The following N4BP1 variants were observed in gnomAD, a reference collection of about 807,000 sequenced individuals.
The protein encoded by N4BP1 is NEDD4-binding protein 1.
In N4BP1, 21 loss-of-function variants were observed where a neutral mutation model predicts 70.9. The observed-to-expected ratio is 0.30, with a 90% CI of 0.21 to 0.43. N4BP1 has a LOEUF of 0.43. Ranked by LOEUF, N4BP1 falls within the 20% of genes least tolerant of loss-of-function variation. The pLI, the probability that N4BP1 is intolerant of heterozygous loss-of-function variation, is 1.00. For synonymous variants in N4BP1, 387 were observed against 394.6 expected (o/e 0.98, Z 0.23); for missense variants, 936 against 1,069.4 (o/e 0.88, Z 1.74).
intron 1 of N4BP1, among the ~76,000 whole-genome samples, chr16:48,580,861 A>G (rs1388081968): frequency 6.6e-6 from 1 of 152,156 alleles, no homozygotes; most frequent in Non-Finnish European, 1.5e-5. Context: ...TGTATAAGGC[A>G]TTATAAGTAG....
intron 2 of N4BP1, among the ~76,000 whole-genome samples, chr16:48,555,395 T>C (rs746557402): frequency 2.0e-5 from 3 of 152,220 alleles, no homozygotes; most frequent in Admixed American, 2.0e-4. Context: ...TGTGCGTTCC[T>C]TGAGAGCAGG....
intron 1 of N4BP1, among the ~76,000 whole-genome samples, chr16:48,575,188 GC>G (rs1196256773): frequency 6.6e-6 from 1 of 152,152 alleles, no homozygotes; most frequent in Non-Finnish European, 1.5e-5. Context: ...AAAGTATACA[GC>G]ATTATTAAGT....
At chr16:48,577,315 G>GTTT (rs144319249) in intron 1 of N4BP1, among the ~76,000 whole-genome samples, 1 of 151,158 alleles carries the variant, frequency 6.6e-6, no homozygotes, top group African/African-American at 2.4e-5. Context: ...CCCAGTTTTT[G>GTTT]TTTTTTTTGT....
At chr16:48,605,110 G>A (rs894823639) in intron 1 of N4BP1, among the ~76,000 whole-genome samples, 4 of 151,380 alleles carry the variant, frequency 2.6e-5, no homozygotes, top group African/African-American at 7.3e-5. Flanking sequence ...TTGGTTCACC[G>A]CAACCTCCGC....
chr16:48,544,790 A>G (rs1335141529), intron 6 of N4BP1, among the ~76,000 whole-genome samples: 1 of 152,220 alleles, frequency 6.6e-6, no homozygotes, highest in African/African-American at 2.4e-5. Flanking sequence ...GGAAATTAAT[A>G]TAAGCATAAC....
chr16:48,606,041 G>GT (rs1964576194), intron 1 of N4BP1, among the ~76,000 whole-genome samples: 2 of 152,198 alleles, frequency 1.3e-5, no homozygotes, highest in South Asian at 4.1e-4. Flanking sequence ...ACACTTTACT[G>GT]TATCTTCCCC....
chr16:48,550,477 T>C (rs777125465), intron 4 of N4BP1, among the ~76,000 whole-genome samples: 6 of 151,994 alleles, frequency 3.9e-5, no homozygotes, highest in Non-Finnish European at 8.8e-5. Context: ...ATTGTACCAT[T>C]GCACTCCAGC....
At chr16:48,603,330 G>A (rs1035652937) in intron 1 of N4BP1, among the ~76,000 whole-genome samples, 4 of 151,586 alleles carry the variant, frequency 2.6e-5, no homozygotes, top group Admixed American at 2.0e-4. Flanking sequence ...AAGTCCTCCA[G>A]GCTGGTACTG....
intron 1 of N4BP1, among the ~76,000 whole-genome samples, chr16:48,594,818 T>C (rs1964387290): frequency 6.6e-6 from 1 of 152,226 alleles, no homozygotes; most frequent in Non-Finnish European, 1.5e-5. Flanking sequence ...ATAATAATTG[T>C]TATGTTAAAT....
intron 1 of N4BP1, among the ~76,000 whole-genome samples, chr16:48,571,913 C>T (rs147470704): frequency 6.6e-6 from 1 of 152,180 alleles, no homozygotes; most frequent in Non-Finnish European, 1.5e-5. Flanking sequence ...CCAGAATACA[C>T]AGGAAGCCTG....
At chr16:48,575,397 T>C (rs1217749982) in intron 1 of N4BP1, among the ~76,000 whole-genome samples, 1 of 152,244 alleles carries the variant, frequency 6.6e-6, no homozygotes, top group Non-Finnish European at 1.5e-5. Flanking sequence ...ATATACATGA[T>C]ATATAAGTTA....
chr16:48,548,837 CAA>C (rs34869645), intron 4 of N4BP1, among the ~76,000 whole-genome samples: 48 of 71,680 alleles, frequency 6.7e-4, no homozygotes, highest in Admixed American at 8.3e-4. Flanking sequence ...GAGACTGCTT[CAA>C]AAAAAAAAAA....
intron 4 of N4BP1, among the ~76,000 whole-genome samples, chr16:48,548,658 G>T (rs903528681): frequency 1.3e-5 from 2 of 151,804 alleles, no homozygotes; most frequent in Non-Finnish European, 2.9e-5. Context: ...ACCAGTCTGG[G>T]CAACATGGTG....
intron 1 of N4BP1, among the ~76,000 whole-genome samples, chr16:48,562,658 A>C (rs1366539556): frequency 1.3e-5 from 2 of 152,246 alleles, no homozygotes; most frequent in African/African-American, 4.8e-5. Flanking sequence ...CTCTGCATCC[A>C]AATCTAAAAG....
At chr16:48,597,138 T>C (rs1290797217) in intron 1 of N4BP1, among the ~76,000 whole-genome samples, 1 of 152,158 alleles carries the variant, frequency 6.6e-6, no homozygotes, top group African/African-American at 2.4e-5. Context: ...ATGGGGAAAT[T>C]GATTTGAGTA....
intron 5 of N4BP1, 73 bp downstream of exon 5, chr16:48,547,934 G>T: frequency 2.0e-6 from 2 of 1,025,160 alleles, no homozygotes; most frequent in Non-Finnish European, 3.0e-6. Flanking sequence ...AAAACAAAAC[G>T]AACAAAATGC....
intron 2 of N4BP1, among the ~76,000 whole-genome samples, chr16:48,556,382 T>G (rs544666246): frequency 1.3e-5 from 2 of 152,232 alleles, no homozygotes; most frequent in Non-Finnish European, 2.9e-5. Flanking sequence ...TACTCATCAC[T>G]GTCTCCTAGC....
At chr16:48,595,288 C>G (rs1356869380) in intron 1 of N4BP1, among the ~76,000 whole-genome samples, 1 of 151,576 alleles carries the variant, frequency 6.6e-6, no homozygotes, top group African/African-American at 2.4e-5. Context: ...ATGGCAAAAA[C>G]CCCATCTCTA....
rs371187248 is a variant in N4BP1 at position 48,564,969 on chromosome 16, TGTTA to T, written c.199-2529_199-2526del. Reference sequence around the variant, plus strand: ...TAAATTTTGGTTTCTATGTGTCCACTGTTAGTATATACAAATATAATTGATTTCT... The same window carrying T: ...TAAATTTTGGTTTCTATGTGTCCACTGTATATACAAATATAATTGATTTCT... On this transcript the variant is annotated intron_variant, in intron 1 of 6. Coordinates refer to ENST00000262384, the MANE Select transcript of N4BP1 (RefSeq NM_153029.4). Among the ~76,000 whole-genome samples the T allele has an allele frequency of 2.5e-3, 375 of 152,346 alleles. 1 individual carries two copies. Among genetic ancestry groups the T allele is most frequent in the East Asian group, 0.013 (68 of 5,186 alleles).
Sources: gnomAD v4.1 joint callset for allele counts (sites outside exome capture counted in the v4.1 genomes callset) on GRCh38, gnomAD v4.1.1 for gene constraint, MANE v1.5 for transcripts, NCBI Gene and HGNC (gene_info 2026-07-23, HGNC 2026-07-21) for gene names.